The following PCDHGA5 variants were observed in gnomAD, a reference collection of about 807,000 sequenced individuals.
The protein encoded by PCDHGA5 is protocadherin gamma-A5.
Under a neutral mutation model 56.7 loss-of-function variants are expected in PCDHGA5, and 36 were observed. The observed-to-expected ratio is 0.64, with a 90% CI of 0.49 to 0.84. The LOEUF (loss-of-function observed/expected upper bound fraction) is 0.84. Among genes scored for constraint, PCDHGA5 ranks in the 40% least tolerant of loss-of-function variants. The pLI is 0.00. For missense variants in PCDHGA5, 1,305 were observed against 1,201.5 expected (o/e 1.09, Z -1.27); for synonymous variants, 563 against 520.2 (o/e 1.08, Z -1.12).
At chr5:141,378,741 A>C (rs1588862467) in intron 1 of PCDHGA5, 2 of 152,230 alleles carry the variant, frequency 1.3e-5, no homozygotes, top group African/African-American at 2.4e-5. Context: ...GAAATATTTC[A>C]AGAAAAAAGG....
chr5:141,424,149 G>T, intron 1 of PCDHGA5: 1 of 324,612 alleles, frequency 3.1e-6, no homozygotes. Flanking sequence ...GCTCCCTCTA[G>T]CTCTCCTTCT....
intron 1 of PCDHGA5, chr5:141,394,095 G>C (rs1222166545): frequency 1.9e-6 from 3 of 1,613,848 alleles, no homozygotes; most frequent in Non-Finnish European, 2.5e-6. Flanking sequence ...CTCAGATCTA[G>C]GAACACCACC....
At chr5:141,479,186 T>A (rs956575218) in intron 1 of PCDHGA5, 1 of 152,590 alleles carries the variant, frequency 6.6e-6, no homozygotes, top group Non-Finnish European at 1.5e-5. Flanking sequence ...GCTAGAAAAT[T>A]CAGAAAATAC....
Position 141,431,359 on chromosome 5 carries a change from G to A in PCDHGA5, c.2422-63448G>A. 1 of 1,614,024 alleles carries A rather than the reference G, an allele frequency of 6.2e-7. No homozygotes were observed. The highest frequency in any genetic ancestry group is 8.5e-7 in the Non-Finnish European group (1 of 1,180,030). On this transcript the variant is annotated intron_variant, in intron 1 of 3. Transcript: ENST00000518069. This position sits in a 1 kb window ranked among gnomAD's most constrained non-coding sequence, Gnocchi z 4.8. ...CCGAATTGGTGCTGAAACGCGCCCTGGACCGCGAAGAAAAGGCTGCTCACC... is the reference window on the plus strand; with the variant it reads ...CCGAATTGGTGCTGAAACGCGCCCTAGACCGCGAAGAAAAGGCTGCTCACC...
chr5:141,423,434 T>C, intron 1 of PCDHGA5: 1 of 1,614,036 alleles, frequency 6.2e-7, no homozygotes, highest in Non-Finnish European at 8.5e-7. Flanking sequence ...TTGGCAGGTA[T>C]GCCCACGTCA....
At chr5:141,394,482 G>A in intron 1 of PCDHGA5, 1 of 1,614,240 alleles carries the variant, frequency 6.2e-7, no homozygotes, top group Non-Finnish European at 8.5e-7. Context: ...GGACCAGAAT[G>A]ACAACGCGCC....
At chr5:141,370,168 C>A (rs890245618) in intron 1 of PCDHGA5, 2 of 458,196 alleles carry the variant, frequency 4.4e-6, no homozygotes, top group South Asian at 1.2e-4. Flanking sequence ...GCAGCAGAGG[C>A]GCCGGGTGCC....
intron 1 of PCDHGA5, chr5:141,372,781 T>C: frequency 6.2e-7 from 1 of 1,608,572 alleles, no homozygotes; most frequent in Non-Finnish European, 8.5e-7. Context: ...AATCCAGAAA[T>C]GCCTTCTAAT....
intron 1 of PCDHGA5, chr5:141,404,552 G>A: frequency 6.2e-7 from 1 of 1,613,826 alleles, no homozygotes; most frequent in Non-Finnish European, 8.5e-7. Context: ...GCAGGTGACG[G>A]CAAGTGACAG....
intron 1 of PCDHGA5, among the ~76,000 whole-genome samples, chr5:141,464,723 T>A (rs1166321691): frequency 6.6e-6 from 1 of 152,156 alleles, no homozygotes; most frequent in Non-Finnish European, 1.5e-5. Flanking sequence ...TTTCATATGT[T>A]TAAAAGCCAG....
chr5:141,364,637 G>A lies in PCDHGA5; in HGVS notation c.307G>A (p.Val103Met), dbSNP rs979445562. ...EELCAQSPLC[V>M]VNFNILVENK... ...GCTCTGCGCTCAGAGCCCACTGTGT[G>A]TGGTGAACTTTAACATCTTGGTTGA... is the stretch of plus-strand genomic sequence containing the variant. Residue 103 changes from valine to methionine, a missense_variant, in exon 1 of 4, where the codon GTG (valine) becomes ATG (methionine). Val to Met is a conservative substitution (Grantham distance 21). Transcript: ENST00000518069. 1.7e-5 allele frequency: 28 copies of A among 1,614,030 alleles called. No homozygotes were observed. Among genetic ancestry groups the A allele is most frequent in the Non-Finnish European group, 2.4e-5 (28 of 1,179,966 alleles).
intron 1 of PCDHGA5, among the ~76,000 whole-genome samples, chr5:141,473,719 T>C (rs998018115): frequency 6.6e-6 from 1 of 152,124 alleles, no homozygotes; most frequent in African/African-American, 2.4e-5. Context: ...CAATGGAATA[T>C]AGTGAGAGAG....
rs774079222 is a variant in PCDHGA5 at position 141,491,314 on chromosome 5, C to T, written c.2422-3493C>T. On this transcript the variant is annotated intron_variant, in intron 1 of 3. Coordinates refer to ENST00000518069, the MANE Select transcript of PCDHGA5 (RefSeq NM_018918.3). This position sits in a 1 kb window ranked among gnomAD's most constrained non-coding sequence, Gnocchi z 6.9. ...CCCTCCTGAGCGTTCAGACCTTACC[C>T]TTTACCTCATTGTGGCTCTAGCGAC... The T allele has an allele frequency of 1.9e-6, 3 of 1,614,182 alleles. No individual in the cohort carries two copies. In the South Asian group the frequency reaches 3.3e-5, roughly 18 times the overall value.
intron 1 of PCDHGA5, chr5:141,392,890 T>G (rs2092623202): frequency 3.1e-6 from 5 of 1,613,418 alleles, no homozygotes; most frequent in Admixed American, 1.7e-5. Context: ...CTGTGGGAAA[T>G]CGGGAGGGGA....
chr5:141,486,559 G>A lies in PCDHGA5; in HGVS notation c.2422-8248G>A. ...CTTTCTTTCAGAGGTCACATGAGGTGTTTGTTCCTGAGAACAATCGCCCAG... is the reference window on the plus strand; with the variant it reads ...CTTTCTTTCAGAGGTCACATGAGGTATTTGTTCCTGAGAACAATCGCCCAG... On this transcript the variant is annotated intron_variant, in intron 1 of 3. Transcript: ENST00000518069. This position sits in a 1 kb window ranked among gnomAD's most constrained non-coding sequence, Gnocchi z 5.0. 6.2e-7 allele frequency: 1 copy of A among 1,614,032 alleles called. No individual in the cohort carries two copies. Among genetic ancestry groups the A allele is most frequent in the Non-Finnish European group, 8.5e-7 (1 of 1,180,022 alleles).
At position 141,431,106 on chromosome 5, in the gene PCDHGA5, T is replaced by C. The variant is rs566174531; in HGVS notation, c.2422-63701T>C. 25 of 1,614,108 alleles carry C rather than the reference T, an allele frequency of 1.5e-5. No homozygotes were observed. In the South Asian group the frequency reaches 2.7e-4, roughly 18 times the overall value. On this transcript the variant is annotated intron_variant, in intron 1 of 3. Transcript: ENST00000518069. This position sits in a 1 kb window ranked among gnomAD's most constrained non-coding sequence, Gnocchi z 4.8. ...ATTCTGATGGAGGATAAAGTGAAAA[T>C]ATATGGAGTAGAAGTAGAAGTAAGG...
chr5:141,496,103 C>G (rs779317844), intron 2 of PCDHGA5, among the ~76,000 whole-genome samples: 1 of 152,100 alleles, frequency 6.6e-6, no homozygotes, highest in Non-Finnish European at 1.5e-5. Flanking sequence ...ACCAACACCC[C>G]GCTCTCTTCC....
intron 1 of PCDHGA5, chr5:141,399,398 G>A (rs1374441258): frequency 6.2e-7 from 1 of 1,613,972 alleles, no homozygotes; most frequent in Non-Finnish European, 8.5e-7. Flanking sequence ...ACAGACAGGG[G>A]CAAGCCGCCC....
chr5:141,442,414 ACTT>A (rs1258523193), intron 1 of PCDHGA5: 2 of 152,190 alleles, frequency 1.3e-5, no homozygotes, highest in Non-Finnish European at 2.9e-5. Flanking sequence ...GGCTGAGTGA[ACTT>A]CTTTTTTGAA....
Sources: gnomAD v4.1 joint callset for allele counts (sites outside exome capture counted in the v4.1 genomes callset) on GRCh38, gnomAD v4.1.1 for gene constraint, Gnocchi (gnomAD v3.1) non-coding constraint, MANE v1.5 for transcripts, NCBI Gene and HGNC (gene_info 2026-07-23, HGNC 2026-07-21) for gene names.